Variants in TDRD9 observed in about 807,000 individuals in gnomAD.
TDRD9 encodes the protein ATP-dependent RNA helicase TDRD9.
A neutral mutation model predicts 172.6 loss-of-function variants in TDRD9; 124 were observed. That is an observed-to-expected ratio of 0.72 (90% CI 0.62 to 0.83). The LOEUF is 0.83. Ranked by LOEUF, TDRD9 falls within the 40% of genes least tolerant of loss-of-function variation. The pLI is 0.00. For synonymous variants in TDRD9, 619 were observed against 617.1 expected (o/e 1.00, Z -0.05); for missense variants, 1,479 against 1,714.1 (o/e 0.86, Z 2.42).
chr14:103,977,657 A>T, intron 7 of TDRD9, among the ~76,000 whole-genome samples: 1 of 138,034 alleles, frequency 7.2e-6, no homozygotes, highest in Non-Finnish European at 1.5e-5. Flanking sequence ...TGCTATGCAG[A>T]AGCTTGTTAG....
At chr14:104,041,419 T>C (rs1421734942) in intron 33 of TDRD9, among the ~76,000 whole-genome samples, 1 of 152,166 alleles carries the variant, frequency 6.6e-6, no homozygotes, top group Non-Finnish European at 1.5e-5. Context: ...CAAAAGACCC[T>C]CTTCAGAGGA....
chr14:103,976,268 C>T (rs995270314), intron 7 of TDRD9, among the ~76,000 whole-genome samples: 1 of 151,464 alleles, frequency 6.6e-6, no homozygotes, highest in Non-Finnish European at 1.5e-5. Context: ...ATCCATTCAT[C>T]TCTTTTTTTT....
intron 20 of TDRD9, among the ~76,000 whole-genome samples, chr14:104,012,723 C>A (rs977864308): frequency 6.6e-6 from 1 of 151,772 alleles, no homozygotes; most frequent in Non-Finnish European, 1.5e-5. Context: ...TGTTGGTTTC[C>A]TCTCTGACTA....
intron 1 of TDRD9, chr14:103,941,043 C>T: frequency 6.5e-7 from 1 of 1,535,350 alleles, no homozygotes; most frequent in Non-Finnish European, 8.7e-7. Context: ...TCAGAACTTG[C>T]TTGAAGATGT....
rs4906393 is a variant in TDRD9 at position 103,970,727 on chromosome 14, C to T, written c.846+106C>T. On this transcript the variant is annotated intron_variant, in intron 6 of 35. Transcript: ENST00000409874. ...GTGTCTATAGAGCATTCTGGGACCC[C>T]GGACAGATACTAAAATCTGAGGATC... The T allele has an allele frequency of 0.013, 10,956 of 813,934 alleles. 663 individuals are homozygous for T. The Admixed American group carries it at 0.16, about 12-fold the overall frequency. The allele number at this position is 813,934 out of a possible 1,614,324, so 50.4% of individuals were successfully genotyped here. A position where few individuals can be genotyped will look rare whatever the true frequency, so the allele number is the denominator to read the frequency against.
intron 34 of TDRD9, among the ~76,000 whole-genome samples, chr14:104,044,158 T>TCTAGTG (rs1438538835): frequency 6.6e-6 from 1 of 152,162 alleles, no homozygotes; most frequent in Non-Finnish European, 1.5e-5. Context: ...TGCCAGTCAC[T>TCTAGTG]AGAGCTGATC....
At chr14:104,013,542 C>G (rs1185132857) in intron 20 of TDRD9, 1 of 152,154 alleles carries the variant, frequency 6.6e-6, no homozygotes, top group Non-Finnish European at 1.5e-5. Flanking sequence ...ATAAACAGAT[C>G]AGGGAGCATA....
intron 24 of TDRD9, 82 bp downstream of exon 24, chr14:104,022,412 G>A (rs1256077086): frequency 2.2e-5 from 31 of 1,396,974 alleles, no homozygotes; most frequent in Non-Finnish European, 2.9e-5. Context: ...CGTTGATCTG[G>A]CATTGCTTCA....
intron 16 of TDRD9, 41 bp downstream of exon 16, chr14:104,006,595 T>TATATA (rs2034445723): frequency 6.2e-7 from 1 of 1,612,092 alleles, no homozygotes; most frequent in African/African-American, 1.3e-5. Flanking sequence ...GAAGTTTATA[T>TATATA]AACACCACTC....
chr14:104,040,409 GTCT>G, intron 33 of TDRD9, 75 bp downstream of exon 33: 1 of 1,386,924 alleles, frequency 7.2e-7, no homozygotes, highest in Non-Finnish European at 9.5e-7. Flanking sequence ...TGAGTGCAGG[GTCT>G]GCTGTGGAGC....
intron 30 of TDRD9, among the ~76,000 whole-genome samples, 181 bp from the exon 31 acceptor site, chr14:104,033,779 T>C (rs1220616152): frequency 3.9e-5 from 6 of 152,114 alleles, no homozygotes. Context: ...TGAGGACTCC[T>C]GTGTGAAGAG....
At chr14:104,001,667 G>A (rs2034265457) in intron 13 of TDRD9, among the ~76,000 whole-genome samples, 1 of 152,096 alleles carries the variant, frequency 6.6e-6, no homozygotes, top group African/African-American at 2.4e-5. Context: ...GGAGTGCAAC[G>A]ACGTGATCTC....
rs747633046 is a variant in TDRD9 at position 103,975,371 on chromosome 14, T to G, written c.847-18T>G. The G allele has an allele frequency of 6.3e-7, 1 of 1,596,278 alleles. No homozygotes were observed. Among genetic ancestry groups the G allele is most frequent in the Non-Finnish European group, 8.5e-7 (1 of 1,169,666 alleles). On this transcript the variant is annotated intron_variant, in intron 6 of 35. Coordinates refer to ENST00000409874, the MANE Select transcript of TDRD9 (RefSeq NM_153046.3). Reference sequence around the variant, plus strand: ...TGATTCTCATTGTTTTATTTGAATGTTTTCTCTTACTCTGTAGGTGGTCCT... The same window carrying G: ...TGATTCTCATTGTTTTATTTGAATGGTTTCTCTTACTCTGTAGGTGGTCCT...
intron 1 of TDRD9, among the ~76,000 whole-genome samples, chr14:103,951,922 A>C (rs924197494): frequency 6.6e-6 from 1 of 151,080 alleles, no homozygotes; most frequent in African/African-American, 2.4e-5. Flanking sequence ...GCCCGCCACC[A>C]TGCCAGGCTA....
chr14:103,991,597 G>T (rs1413813122), intron 9 of TDRD9, among the ~76,000 whole-genome samples: 1 of 151,840 alleles, frequency 6.6e-6, no homozygotes, highest in Non-Finnish European at 1.5e-5. Flanking sequence ...ATTTTTAGTA[G>T]AGATGAGCTT....
intron 7 of TDRD9, among the ~76,000 whole-genome samples, chr14:103,981,857 A>C (rs2033484657): frequency 6.6e-6 from 1 of 152,250 alleles, no homozygotes; most frequent in African/African-American, 2.4e-5. Flanking sequence ...ATTGTAAATC[A>C]GGGACAGTCT....
At chr14:103,992,924 CAAAA>C (rs35212615) in intron 9 of TDRD9, among the ~76,000 whole-genome samples, 3 of 58,864 alleles carry the variant, frequency 5.1e-5, no homozygotes, top group Non-Finnish European at 6.2e-5. Flanking sequence ...GACTCCATCT[CAAAA>C]AAAAAAAAAA....
In TDRD9 at chr14:104,004,222, C is replaced by T. The variant is rs1189418927; in HGVS notation, c.1484-16C>T. 4.2e-6 allele frequency: 6 copies of T among 1,427,794 alleles called. No individual in the cohort carries two copies. In the South Asian group the frequency reaches 4.9e-5, roughly 12 times the overall value. 88.4% of individuals were successfully genotyped at this position (1,427,794 alleles called of 1,614,324 possible). ...TAATTAATGCCAAACACTGTTTGCA[C>T]ATCTCTCCTTTGAAGGCCGTGCTGG... is the stretch of plus-strand genomic sequence containing the variant. On this transcript the variant is annotated splice_polypyrimidine_tract_variant and intron_variant, in intron 13 of 35. Transcript: ENST00000409874.
At chr14:103,945,737 G>A (rs2031520261) in intron 1 of TDRD9, among the ~76,000 whole-genome samples, 1 of 152,146 alleles carries the variant, frequency 6.6e-6, no homozygotes, top group Admixed American at 6.6e-5. Context: ...AAATGAAATA[G>A]GACCGTATCA....
Sources: allele counts gnomAD v4.1 joint callset (sites outside exome capture counted in the v4.1 genomes callset), GRCh38; gene constraint gnomAD v4.1.1; transcripts MANE v1.5; gene names NCBI Gene and HGNC (gene_info 2026-07-23, HGNC 2026-07-21).